Variants in FBXW7 observed in about 807,000 individuals in gnomAD.
The protein encoded by FBXW7 is F-box and WD repeat domain containing 7, also known as F-box/WD repeat-containing protein 7.
A neutral mutation model predicts 86.3 loss-of-function variants in FBXW7; 11 were observed. The observed-to-expected ratio is 0.13, with a 90% CI of 0.08 to 0.21. The LOEUF (loss-of-function observed/expected upper bound fraction) is 0.21, where lower values mean the gene tolerates loss of function less well. Ranked by LOEUF, FBXW7 falls within the 10% of genes least tolerant of loss-of-function variation. FBXW7 has a pLI of 1.00. For missense variants in FBXW7, 488 were observed against 847.4 expected (o/e 0.58, Z 5.27); for synonymous variants, 313 against 297.9 (o/e 1.05, Z -0.52).
chr4:152,483,399 GA>G (rs79957505), intron 2 of FBXW7, among the ~76,000 whole-genome samples: 1,554 of 136,414 alleles, frequency 0.011, 10 homozygotes, highest in Middle Eastern at 0.029. Flanking sequence ...TCTTTATAGG[GA>G]AAAAAAAAAA....
At chr4:152,400,470 T>C (rs1736826102) in intron 4 of FBXW7, among the ~76,000 whole-genome samples, 1 of 151,894 alleles carries the variant, frequency 6.6e-6, no homozygotes, top group Non-Finnish European at 1.5e-5. Flanking sequence ...GCCTCTCGGG[T>C]TGCTAAGATC....
chr4:152,426,486 A>C (rs1410179469), intron 2 of FBXW7, among the ~76,000 whole-genome samples: 1 of 151,816 alleles, frequency 6.6e-6, no homozygotes, highest in African/African-American at 2.4e-5. Flanking sequence ...AGTAGCTGGG[A>C]CTACAGGCGC....
intron 4 of FBXW7, among the ~76,000 whole-genome samples, chr4:152,403,234 T>C (rs954817674): frequency 6.6e-6 from 1 of 152,146 alleles, no homozygotes; most frequent in Non-Finnish European, 1.5e-5. Flanking sequence ...TCCCAGCACT[T>C]TGAGAGGCCA....
At chr4:152,425,263 A>C (rs2126929514) in intron 2 of FBXW7, among the ~76,000 whole-genome samples, 1 of 152,322 alleles carries the variant, frequency 6.6e-6, no homozygotes, top group East Asian at 1.9e-4. Context: ...GCCTCTCTTG[A>C]GCCTCATCTC....
intron 2 of FBXW7, among the ~76,000 whole-genome samples, chr4:152,454,747 C>T (rs1252038864): frequency 6.6e-6 from 1 of 151,694 alleles, no homozygotes; most frequent in African/African-American, 2.4e-5. Flanking sequence ...ACAAAAAAAC[C>T]TAGAATGCAG....
At chr4:152,346,690 T>C (rs1047494286) in intron 6 of FBXW7, 13 of 449,130 alleles carry the variant, frequency 2.9e-5, no homozygotes, top group Non-Finnish European at 4.7e-5. Context: ...CCTCCCCTCA[T>C]TGTCAGGCAA....
At chr4:152,527,738 C>T (rs1384159205) in intron 2 of FBXW7, among the ~76,000 whole-genome samples, 2 of 152,160 alleles carry the variant, frequency 1.3e-5, no homozygotes, top group East Asian at 3.9e-4. Context: ...AAGGATCACA[C>T]CACTGCCCTC....
chr4:152,348,121 T>C (rs1048810976), intron 5 of FBXW7, among the ~76,000 whole-genome samples: 3 of 152,090 alleles, frequency 2.0e-5, no homozygotes, highest in Admixed American at 2.0e-4. Flanking sequence ...CTCTGATAAA[T>C]TACTAATGAA....
At chr4:152,339,384 G>A (rs1730483905) in intron 6 of FBXW7, among the ~76,000 whole-genome samples, 1 of 152,094 alleles carries the variant, frequency 6.6e-6, no homozygotes, top group Non-Finnish European at 1.5e-5. Flanking sequence ...TACCTTGTTT[G>A]GTTTGGTTTC....
intron 2 of FBXW7, among the ~76,000 whole-genome samples, chr4:152,414,831 T>G (rs1291906716): frequency 6.6e-6 from 1 of 152,192 alleles, no homozygotes; most frequent in Non-Finnish European, 1.5e-5. Context: ...AGAGGTATAA[T>G]AATTTTGCTC....
rs150579827 is a variant in FBXW7, at chr4:152,459,920, T to C, written c.-119-47391A>G. 2.0e-3 allele frequency among the ~76,000 whole-genome samples: 297 copies of C among 152,262 alleles called. 2 individuals carry two copies. The highest frequency in any genetic ancestry group is 6.7e-3 in the African/African-American group (280 of 41,558). On this transcript the variant is annotated intron_variant, in intron 2 of 13. Transcript: ENST00000281708. The stretch of plus-strand genomic sequence containing the variant: ...ACTGTGGATAAGGGGGACTACTATA[T>C]ATGAAATACAGAATAGCCAAATTCA...
chr4:152,374,318 A>G (rs1210299818), intron 4 of FBXW7, among the ~76,000 whole-genome samples: 2 of 152,102 alleles, frequency 1.3e-5, no homozygotes. Flanking sequence ...CTAGACTCCC[A>G]AAAGTACCAC....
chr4:152,324,572 A>T (rs1036183066), intron 12 of FBXW7, 178 bp from the exon 13 acceptor site: 1 of 576,738 alleles, frequency 1.7e-6, no homozygotes, highest in African/African-American at 1.9e-5. Context: ...CAACTCTACA[A>T]TGTATGTTCT....
intron 6 of FBXW7, among the ~76,000 whole-genome samples, chr4:152,343,420 A>G (rs1289162545): frequency 6.6e-6 from 1 of 152,198 alleles, no homozygotes; most frequent in African/African-American, 2.4e-5. Context: ...ATTTCCAAGT[A>G]TAACTTTAAG....
intron 4 of FBXW7, chr4:152,353,071 T>G (rs1732016232): frequency 9.9e-7 from 1 of 1,005,184 alleles, no homozygotes; most frequent in South Asian, 4.3e-5. Context: ...TTGTAAAACC[T>G]GCATTTTTGA....
intron 2 of FBXW7, among the ~76,000 whole-genome samples, chr4:152,448,905 T>C (rs1371449602): frequency 1.3e-5 from 2 of 152,190 alleles, no homozygotes; most frequent in Non-Finnish European, 2.9e-5. Context: ...CCCAAAATTA[T>C]ACTAACCACT....
chr4:152,469,875 T>C (rs1743794708), intron 2 of FBXW7, among the ~76,000 whole-genome samples: 1 of 152,128 alleles, frequency 6.6e-6, no homozygotes, highest in African/African-American at 2.4e-5. Context: ...GTAAATGTCA[T>C]TCATGTAGCA....
chr4:152,435,690 T>A (rs753735813), intron 2 of FBXW7, among the ~76,000 whole-genome samples: 5 of 152,232 alleles, frequency 3.3e-5, no homozygotes, highest in African/African-American at 4.8e-5. Flanking sequence ...TTTACAGGCA[T>A]ACCTCATTTT....
intron 5 of FBXW7, chr4:152,348,631 A>G: frequency 1.6e-6 from 1 of 628,088 alleles, no homozygotes; most frequent in Non-Finnish European, 2.2e-6. Flanking sequence ...TTCAGCACTC[A>G]TTTATTCTAA....
Sources: gnomAD v4.1 joint callset for allele counts (sites outside exome capture counted in the v4.1 genomes callset) on GRCh38, gnomAD v4.1.1 for gene constraint, MANE v1.5 for transcripts, NCBI Gene and HGNC (gene_info 2026-07-23, HGNC 2026-07-21) for gene names.